The following NHSL2 variants were observed in gnomAD, a reference collection of about 807,000 sequenced individuals.
The protein encoded by NHSL2 is NHS-like protein 2.
Under a neutral mutation model 53.4 loss-of-function variants are expected in NHSL2, and 27 were observed. The ratio of observed to expected loss-of-function variants is 0.51; its 90% confidence interval spans 0.37 to 0.70. The LOEUF is 0.70. Ranked by LOEUF, NHSL2 falls within the 30% of genes least tolerant of loss-of-function variation. The pLI is 0.00. For missense variants in NHSL2, 892 were observed against 980.1 expected (o/e 0.91, Z 1.20); for synonymous variants, 408 against 404.1 (o/e 1.01, Z -0.12).
intron 1 of NHSL2, among the ~76,000 whole-genome samples, chrX:72,095,282 T>C (rs1239709895): frequency 8.9e-6 from 1 of 112,234 alleles, no homozygotes; most frequent in East Asian, 2.8e-4. Flanking sequence ...TGGAAAGAAT[T>C]TGGGGTGAGG....
chrX:72,142,869 T>A lies in NHSL2; in HGVS notation c.3357-384T>A, dbSNP rs150906007. Among the ~76,000 whole-genome samples, 798 of 111,796 alleles carry A rather than the reference T, an allele frequency of 7.1e-3. 7 individuals carry two copies. Among genetic ancestry groups the A allele is most frequent in the African/African-American group, 0.025 (763 of 30,728 alleles). On this transcript the variant is annotated intron_variant, in intron 7 of 7. Coordinates refer to ENST00000633930, the MANE Select transcript of NHSL2 (RefSeq NM_001013627.3). ...TTGGACAGGGTTACAAGGCAGGGGT[T>A]CAGTGACAAGAAAACTGGGAAGAGT...
intron 1 of NHSL2, among the ~76,000 whole-genome samples, chrX:72,066,510 G>A (rs978163882): frequency 9.0e-6 from 1 of 111,216 alleles, no homozygotes; most frequent in African/African-American, 3.3e-5. Context: ...GCCACAATGG[G>A]GCTTACAGAG....
chrX:72,074,154 AC>A (rs202022809), intron 1 of NHSL2, among the ~76,000 whole-genome samples: 6,327 of 112,152 alleles, frequency 0.056, 153 homozygotes, highest in South Asian at 0.11. Context: ...CCGAATCAGC[AC>A]TGTAAATACG....
At chrX:72,094,203 C>T (rs1024123565) in intron 1 of NHSL2, among the ~76,000 whole-genome samples, 3 of 112,060 alleles carry the variant, frequency 2.7e-5, no homozygotes, top group Non-Finnish European at 5.6e-5. Flanking sequence ...CCCTTTACCT[C>T]GGTTATTGCA....
Position 72,138,776 on chromosome X carries a change from C to G in NHSL2, c.1228C>G (p.Gln410Glu). 8.3e-7 allele frequency: 1 copy of G among 1,209,876 alleles called. No individual in the cohort carries two copies. The highest frequency in any genetic ancestry group is 1.1e-6 in the Non-Finnish European group (1 of 893,867). Residue 410 changes from glutamine (Q) to glutamate (E), a missense_variant, in exon 6 of 8, where the codon CAA becomes GAA. Physicochemically the swap from Gln to Glu is conservative, Grantham distance 29. Transcript: ENST00000633930. ...MTPSATSQSNQVNENGKNPSC... is the reference protein window; with the variant it reads ...MTPSATSQSNEVNENGKNPSC... ...TCCAAGTGCCACCAGCCAGAGCAAT[C>G]AAGTCAATGAAAATGGGAAAAATCC...
intron 1 of NHSL2, among the ~76,000 whole-genome samples, chrX:72,049,048 A>AGAG (rs1220931073): frequency 9.3e-6 from 1 of 107,848 alleles, no homozygotes; most frequent in Admixed American, 9.7e-5. Flanking sequence ...AGGAAGAAGA[A>AGAG]GAAGAAGAGG....
At chrX:72,111,447 T>C (rs2042092719) in intron 1 of NHSL2, among the ~76,000 whole-genome samples, 1 of 112,603 alleles carries the variant, frequency 8.9e-6, no homozygotes, top group Non-Finnish European at 1.9e-5. Flanking sequence ...ATTGCGTCTT[T>C]ACTGTGAGCC....
intron 1 of NHSL2, chrX:72,127,937 C>G (rs867540394): frequency 8.9e-6 from 1 of 112,885 alleles, no homozygotes; most frequent in African/African-American, 3.2e-5. Flanking sequence ...GAAAGGAAAG[C>G]AGCAAAGTGT....
intron 1 of NHSL2, among the ~76,000 whole-genome samples, chrX:72,083,303 C>T (rs184108924): frequency 1.8e-5 from 2 of 113,249 alleles, no homozygotes; most frequent in African/African-American, 6.4e-5. Flanking sequence ...ACTGTTTTCA[C>T]AGTCTGCGAA....
rs2042462416 is a variant in NHSL2 at position 72,146,150 on chromosome X, C to T, written c.*2576C>T. On this transcript the variant is annotated 3_prime_UTR_variant, in exon 8 of 8. Coordinates refer to ENST00000633930, the MANE Select transcript of NHSL2 (RefSeq NM_001013627.3). ...CTCCTGAGCTCAAGCGATCCTCTCG[C>T]CTTGGCCTCCCAAAGTGCTGGGATT... 1 of 112,779 alleles carries T rather than the reference C, an allele frequency of 8.9e-6. No individual in the cohort carries two copies. The highest frequency in any genetic ancestry group is 1.9e-5 in the Non-Finnish European group (1 of 53,376). The allele number at this position is 112,779 out of a possible 1,213,427, so 9.3% of individuals were successfully genotyped here.
At chrX:72,061,398 C>A (rs190550548) in intron 1 of NHSL2, among the ~76,000 whole-genome samples, 1 of 112,155 alleles carries the variant, frequency 8.9e-6, no homozygotes. Context: ...CCCCTAATCT[C>A]AGTTTTCTCA....
intron 1 of NHSL2, among the ~76,000 whole-genome samples, chrX:71,998,999 C>T (rs981871164): frequency 4.5e-5 from 5 of 112,357 alleles, no homozygotes; most frequent in African/African-American, 6.5e-5. Context: ...CTTCTGCTTC[C>T]TCAGCTGACT....
chrX:72,123,810 C>T (rs1485862777), intron 1 of NHSL2, among the ~76,000 whole-genome samples: 2 of 110,866 alleles, frequency 1.8e-5, no homozygotes, highest in African/African-American at 6.6e-5. Flanking sequence ...GCCCTACTTT[C>T]CCACACAAAC....
chrX:72,055,014 C>T (rs1024809574), intron 1 of NHSL2, among the ~76,000 whole-genome samples: 3 of 111,526 alleles, frequency 2.7e-5, no homozygotes, highest in African/African-American at 9.8e-5. Flanking sequence ...CCTGTTGTCC[C>T]GTCTCCCGCT....
Position 71,911,273 on chromosome X carries a change from G to A in NHSL2, c.186G>A (p.Gly62=), listed in dbSNP as rs773533314. The change falls in exon 1 of 8, where the codon GGG becomes GGA. Residue 62 remains glycine, a synonymous_variant. Transcript: ENST00000633930. ...EDLEGHLLAL[G]RRTDSLYRRT... Reference sequence around the variant, plus strand: ...TCGAGGGGCACCTGCTGGCCCTGGGGCGCCGCACAGACAGCCTGTACCGGC... The same window carrying A: ...TCGAGGGGCACCTGCTGGCCCTGGGACGCCGCACAGACAGCCTGTACCGGC... 7.9e-6 allele frequency: 9 copies of A among 1,142,823 alleles called. No individual in the cohort carries two copies. In the South Asian group the frequency reaches 1.8e-4, roughly 22 times the overall value. 94.2% of individuals were successfully genotyped at this position (1,142,823 alleles called of 1,213,427 possible). A position where few individuals can be genotyped will look rare whatever the true frequency, so the allele number is the denominator to read the frequency against.
chrX:72,021,414 G>A (rs1214388736), intron 1 of NHSL2, among the ~76,000 whole-genome samples: 1 of 112,005 alleles, frequency 8.9e-6, no homozygotes, highest in African/African-American at 3.3e-5. Flanking sequence ...CACTGGACGT[G>A]TGTGCTTCAA....
intron 1 of NHSL2, among the ~76,000 whole-genome samples, chrX:72,016,723 G>A (rs2042137756): frequency 9.0e-6 from 1 of 111,140 alleles, no homozygotes; most frequent in African/African-American, 3.3e-5. Context: ...TATTTGTGAG[G>A]ACCTACACTT....
intron 1 of NHSL2, among the ~76,000 whole-genome samples, chrX:72,091,229 G>A (rs2041894718): frequency 8.9e-6 from 1 of 112,036 alleles, no homozygotes; most frequent in Admixed American, 9.4e-5. Flanking sequence ...CGAGACGGGT[G>A]GATCACCAGG....
At chrX:71,931,237 A>G (rs1272854978) in intron 1 of NHSL2, among the ~76,000 whole-genome samples, 2 of 112,156 alleles carry the variant, frequency 1.8e-5, no homozygotes, top group Non-Finnish European at 3.8e-5. Context: ...TTGTGGAATT[A>G]TAGTTCTTTA....
Sources: gnomAD v4.1 joint callset for allele counts (sites outside exome capture counted in the v4.1 genomes callset) on GRCh38, gnomAD v4.1.1 for gene constraint, MANE v1.5 for transcripts, NCBI Gene and HGNC (gene_info 2026-07-23, HGNC 2026-07-21) for gene names.